The following KHDRBS2 variants were observed in gnomAD, a reference collection of about 807,000 sequenced individuals.
KHDRBS2 encodes the protein KH domain-containing, RNA-binding, signal transduction-associated protein 2.
In KHDRBS2, 26 loss-of-function variants were observed where a neutral mutation model predicts 44.3. That is an observed-to-expected ratio of 0.59 (90% CI 0.43 to 0.81). The LOEUF (loss-of-function observed/expected upper bound fraction) is 0.81, where lower values mean the gene tolerates loss of function less well. KHDRBS2 is among the 40% of genes least tolerant of loss of function. The probability of loss-of-function intolerance (pLI) is 0.00; values close to 1 mark genes in which losing one functional copy is unlikely to be tolerated. For missense variants in KHDRBS2, 476 were observed against 433.1 expected, an observed-to-expected ratio of 1.10 and a Z score of -0.88; for synonymous variants, 194 against 151.1, an observed-to-expected ratio of 1.28 and a Z score of -2.08.
At chr6:62,034,693 G>GAAAAAA (rs1171214560) in intron 3 of KHDRBS2, among the ~76,000 whole-genome samples, 44 of 60,620 alleles carry the variant, frequency 7.3e-4, no homozygotes, top group Non-Finnish European at 8.2e-4. Context: ...ATTCTGAACA[G>GAAAAAA]AAAAAAAAAA....
intron 4 of KHDRBS2, among the ~76,000 whole-genome samples, chr6:61,932,526 C>G (rs1028132663): frequency 6.6e-6 from 1 of 152,242 alleles, no homozygotes; most frequent in African/African-American, 2.4e-5. Flanking sequence ...ACAGGCCGGG[C>G]ACGGTGCCTC....
chr6:62,082,989 G>A (rs9354613), intron 2 of KHDRBS2, among the ~76,000 whole-genome samples: 66,682 of 151,976 alleles, frequency 0.44, 15,747 homozygotes, highest in East Asian at 0.52. Context: ...TGGATAGGAG[G>A]CAGAGAAATA....
chr6:62,203,525 T>C (rs574783906), intron 1 of KHDRBS2, among the ~76,000 whole-genome samples: 1 of 152,172 alleles, frequency 6.6e-6, no homozygotes, highest in East Asian at 1.9e-4. Context: ...AGGAGCACTG[T>C]GAAAGAATGA....
At chr6:61,560,487 T>C in the KHDRBS2 span, among the ~76,000 whole-genome samples, 6 of 151,114 alleles carry the variant, frequency 4.0e-5, no homozygotes, top group South Asian at 1.3e-3. Flanking sequence ...GCATGCTTCA[T>C]TCTTTTTCAT....
At chr6:62,147,361 G>A (rs1814173442) in intron 2 of KHDRBS2, among the ~76,000 whole-genome samples, 1 of 151,890 alleles carries the variant, frequency 6.6e-6, no homozygotes, top group South Asian at 2.1e-4. Context: ...TGTTTAGTGA[G>A]CTAGTGTTCT....
At chr6:62,102,617 C>T (rs936593925) in intron 2 of KHDRBS2, among the ~76,000 whole-genome samples, 6 of 152,178 alleles carry the variant, frequency 3.9e-5, no homozygotes, top group Non-Finnish European at 7.3e-5. Context: ...TGACTCTGGC[C>T]CACGGCTCCT....
At chr6:61,827,444 A>G (rs1204245108) in intron 6 of KHDRBS2, among the ~76,000 whole-genome samples, 2 of 152,186 alleles carry the variant, frequency 1.3e-5, no homozygotes, top group Non-Finnish European at 2.9e-5. Flanking sequence ...AGGAGGAAAC[A>G]ATTTTCTATA....
At chr6:61,982,599 A>C (rs1774076462) in intron 3 of KHDRBS2, among the ~76,000 whole-genome samples, 1 of 151,066 alleles carries the variant, frequency 6.6e-6, no homozygotes, top group African/African-American at 2.4e-5. Flanking sequence ...TGAACCCGGA[A>C]GGTGGAGCTT....
intron 7 of KHDRBS2, among the ~76,000 whole-genome samples, chr6:61,701,267 C>T (rs897468529): frequency 1.3e-5 from 2 of 151,834 alleles, no homozygotes; most frequent in Non-Finnish European, 2.9e-5. Flanking sequence ...CAAGATGAAA[C>T]AAAAGTGAAC....
chr6:61,832,962 T>G (rs529913157), intron 6 of KHDRBS2, among the ~76,000 whole-genome samples: 1 of 152,376 alleles, frequency 6.6e-6, no homozygotes, highest in Non-Finnish European at 1.5e-5. Context: ...TGATTAAAAT[T>G]AATTTTTTAT....
chr6:61,853,207 T>C (rs901956135), intron 6 of KHDRBS2, among the ~76,000 whole-genome samples: 1 of 152,194 alleles, frequency 6.6e-6, no homozygotes, highest in Non-Finnish European at 1.5e-5. Context: ...GCATTATGTG[T>C]TTCAGTGAGT....
intron 3 of KHDRBS2, among the ~76,000 whole-genome samples, chr6:61,991,745 A>C (rs2127248568): frequency 6.6e-6 from 1 of 152,262 alleles, no homozygotes; most frequent in South Asian, 2.1e-4. Flanking sequence ...TTTGTGGAGG[A>C]GCCAGCAGCA....
At chr6:62,033,203 C>T (rs1784664172) in intron 3 of KHDRBS2, among the ~76,000 whole-genome samples, 1 of 151,768 alleles carries the variant, frequency 6.6e-6, no homozygotes, top group African/African-American at 2.4e-5. Flanking sequence ...AAACAAACAA[C>T]CACAACCGTA....
intron 6 of KHDRBS2, among the ~76,000 whole-genome samples, chr6:61,756,720 T>C (rs757948817): frequency 2.6e-4 from 40 of 152,228 alleles, no homozygotes; most frequent in Non-Finnish European, 4.6e-4. Context: ...TTCACAGACA[T>C]TTTTCAAGTG....
At chr6:61,835,710 C>CGTGT (rs3078000) in intron 6 of KHDRBS2, among the ~76,000 whole-genome samples, 18,475 of 145,436 alleles carry the variant, frequency 0.13, 1,162 homozygotes, top group Non-Finnish European at 0.15. Flanking sequence ...TTGATGTGTG[C>CGTGT]GTGTGTGTGT....
Position 62,053,605 on chromosome 6 carries a change from A to G in KHDRBS2, c.220-5611T>C, listed in dbSNP as rs181089046. 1.6e-3 allele frequency among the ~76,000 whole-genome samples: 246 copies of G among 152,066 alleles called. 1 individual carries two copies. The highest frequency in any genetic ancestry group is 5.8e-3 in the African/African-American group (239 of 41,554). On this transcript the variant is annotated intron_variant, in intron 2 of 8. Coordinates refer to ENST00000281156, the MANE Select transcript of KHDRBS2 (RefSeq NM_152688.4). ...CATTATACAAACTCACATCATCTGA[A>G]AAACAAAGGAAACATCATCAGTCAA...
chr6:61,583,713 T>A, the KHDRBS2 span, among the ~76,000 whole-genome samples: 2 of 151,748 alleles, frequency 1.3e-5, no homozygotes, highest in South Asian at 2.1e-4. Context: ...TTTTTTAAAA[T>A]AAATTTTTAA....
At chr6:62,121,641 G>T (rs1807669949) in intron 2 of KHDRBS2, among the ~76,000 whole-genome samples, 1 of 152,178 alleles carries the variant, frequency 6.6e-6, no homozygotes, top group Non-Finnish European at 1.5e-5. Flanking sequence ...TCACTGTCCT[G>T]CCTCAGGGGT....
intron 2 of KHDRBS2, among the ~76,000 whole-genome samples, chr6:62,154,115 C>A (rs1414261970): frequency 6.6e-6 from 1 of 152,088 alleles, no homozygotes; most frequent in African/African-American, 2.4e-5. Context: ...AGGAGAGTAC[C>A]AAGTGAGAGG....
Sources: allele counts gnomAD v4.1 joint callset (sites outside exome capture counted in the v4.1 genomes callset), GRCh38; gene constraint gnomAD v4.1.1; transcripts MANE v1.5; gene names NCBI Gene and HGNC (gene_info 2026-07-23, HGNC 2026-07-21).